The following ITPRID2 variants were observed in gnomAD, a reference collection of about 807,000 sequenced individuals.
ITPRID2 encodes ITPR interacting domain containing 2.
In ITPRID2, 60 loss-of-function variants were observed where a neutral mutation model predicts 124.3. That is an observed-to-expected ratio of 0.48 (90% CI 0.39 to 0.60). ITPRID2 has a LOEUF of 0.60. ITPRID2 is among the 20% of genes least tolerant of loss of function. The probability of loss-of-function intolerance (pLI) is 0.00; values close to 1 mark genes in which losing one functional copy is unlikely to be tolerated. For missense variants in ITPRID2, 1,553 were observed against 1,512.2 expected (o/e 1.03, Z -0.45); for synonymous variants, 521 against 542.9 (o/e 0.96, Z 0.56).
chr2:181,915,604 C>T lies in ITPRID2; in HGVS notation c.1964C>T (p.Thr655Ile), dbSNP rs1693967902. 23 of 1,614,088 alleles carry T rather than the reference C, an allele frequency of 1.4e-5. No individual in the cohort carries two copies. The highest frequency in any genetic ancestry group is 1.9e-5 in the Non-Finnish European group (22 of 1,180,038). ...GGTAAAAGCAGTGAAAGTGAATTTA[C>T]TCAGTATACCACACACCATATTCTG... The part of the protein sequence containing the change: ...DVGKSSESEF[T>I]QYTTHHILKS... The change falls in exon 11 of 18, where the codon ACT (threonine) becomes ATT (isoleucine). Residue 655 changes from threonine (T) to isoleucine (I), a missense_variant. By Grantham distance (89) the Thr-to-Ile change is moderately conservative. Transcript: ENST00000431877.
At chr2:181,928,416 T>C (rs1481661173) in intron 17 of ITPRID2, 138 bp downstream of exon 17, 2 of 508,592 alleles carry the variant, frequency 3.9e-6, no homozygotes, top group Non-Finnish European at 6.9e-6. Flanking sequence ...TATTTTACAA[T>C]GTGAAAATTT....
chr2:181,908,059 A>C (rs1693292515), intron 8 of ITPRID2, among the ~76,000 whole-genome samples: 2 of 152,214 alleles, frequency 1.3e-5, no homozygotes, highest in Admixed American at 6.5e-5. Context: ...GAAATAGAAT[A>C]TGTGATAATT....
At position 181,922,350 on chromosome 2, in the gene ITPRID2, C is replaced by G. The variant is rs1021851027; in HGVS notation, c.3613C>G (p.Pro1205Ala). Residue 1205 changes from proline to alanine, a missense_variant, in exon 16 of 18, where the codon CCA (proline) becomes GCA (alanine). Coordinates refer to ENST00000431877, the MANE Select transcript of ITPRID2 (RefSeq NM_001130445.3). ...AGGGCATGGAAAACTCCCATCAATG[C>G]CAGCTGCTGAGGAAATGCATAAAAA... ...EEGHGKLPSMPAAEEMHKNVE... is the reference protein window; with the variant it reads ...EEGHGKLPSMAAAEEMHKNVE... 6.2e-6 allele frequency: 10 copies of G among 1,613,946 alleles called. No individual in the cohort carries two copies. The highest frequency in any genetic ancestry group is 1.7e-5 in the Admixed American group (1 of 59,990).
chr2:181,918,945 A>T, intron 13 of ITPRID2, 63 bp downstream of exon 13: 1 of 1,578,610 alleles, frequency 6.3e-7, no homozygotes, highest in Non-Finnish European at 8.6e-7. Context: ...TTCTCAACTT[A>T]TATTTTTTAA....
intron 2 of ITPRID2, among the ~76,000 whole-genome samples, chr2:181,895,093 T>A (rs1197284295): frequency 6.6e-6 from 1 of 152,156 alleles, no homozygotes; most frequent in African/African-American, 2.4e-5. Flanking sequence ...CCATTGTTAG[T>A]ATACTTGTAG....
Position 181,921,827 on chromosome 2 carries a change from A to T in ITPRID2, c.3211-121A>T, listed in dbSNP as rs544238606. ...ATTGAGTAGTTATTAAATTAATGGA[A>T]TAGATTTATGTCTTTACAAATTACA... On this transcript the variant is annotated intron_variant, in intron 15 of 17. Transcript: ENST00000431877. The T allele has an allele frequency of 8.1e-6, 7 of 861,730 alleles. No individual in the cohort carries two copies. In the South Asian group the frequency reaches 1.3e-4, roughly 16 times the overall value. 53.4% of individuals were successfully genotyped at this position (861,730 alleles called of 1,614,324 possible).
In ITPRID2 at chr2:181,892,041, G is replaced by C; in HGVS notation, c.-26G>C. On this transcript the variant is annotated 5_prime_UTR_variant, in exon 1 of 18. Transcript: ENST00000431877. This position sits in a 1 kb window ranked among gnomAD's most constrained non-coding sequence, Gnocchi z 5.2. Reference sequence around the variant, plus strand: ...GCCTTGTCTCGCGCAGGGTCCGGCTGGGGTAGCGGAGCCCCCAGTGCGGCC... The same window carrying C: ...GCCTTGTCTCGCGCAGGGTCCGGCTCGGGTAGCGGAGCCCCCAGTGCGGCC... 1 of 1,546,256 alleles carries C rather than the reference G, an allele frequency of 6.5e-7. No individual in the cohort carries two copies. Among genetic ancestry groups the C allele is most frequent in the Non-Finnish European group, 8.7e-7 (1 of 1,145,624 alleles).
In ITPRID2 at chr2:181,919,698, C is replaced by T. The variant is rs1382163790; in HGVS notation, c.3144+252C>T. On this transcript the variant is annotated intron_variant, in intron 14 of 17. Coordinates refer to ENST00000431877, the MANE Select transcript of ITPRID2 (RefSeq NM_001130445.3). The surrounding 1 kb of genome is among the most constrained non-coding windows in gnomAD (Gnocchi z 4.2). ...TAACAGGAAAGAATAAGGGCTTATA[C>T]GAAAGTTGAGGGTTTTTAAAGGAAA... 3.9e-5 allele frequency among the ~76,000 whole-genome samples: 6 copies of T among 151,944 alleles called. No individual in the cohort carries two copies. Among genetic ancestry groups the T allele is most frequent in the East Asian group, 1.9e-4 (1 of 5,180 alleles).
chr2:181,919,337 G>T lies in ITPRID2; in HGVS notation c.3035G>T (p.Arg1012Leu), dbSNP rs750965139. Residue 1012 changes from arginine to leucine, a missense_variant, in exon 14 of 18, where the codon CGA (arginine) becomes CTA (leucine). Arg to Leu is a moderately radical substitution (Grantham distance 102, BLOSUM62 -2). Coordinates refer to ENST00000431877, the MANE Select transcript of ITPRID2 (RefSeq NM_001130445.3). The surrounding 1 kb of genome is among the most constrained non-coding windows in gnomAD (Gnocchi z 4.2). ...CTCCAGGGTTTGAGAAATTCAGTCC[G>T]AATGGAACTTCAGGACCTGGAACTG... ...DQLQGLRNSV[R>L]MELQDLELQL... 1.2e-6 allele frequency: 2 copies of T among 1,614,098 alleles called. No individual in the cohort carries two copies. The highest frequency in any genetic ancestry group is 1.7e-6 in the Non-Finnish European group (2 of 1,180,014).
At chr2:181,913,732 A>T in intron 9 of ITPRID2, 113 bp from the exon 10 acceptor site, 1 of 671,086 alleles carries the variant, frequency 1.5e-6, no homozygotes, top group Non-Finnish European at 2.4e-6. Flanking sequence ...TGTGTATCTT[A>T]TATCTGCTGG....
Position 181,892,151 on chromosome 2 carries a change from A to T in ITPRID2, c.85A>T (p.Lys29Ter). The T allele has an allele frequency of 6.4e-7, 1 of 1,557,414 alleles. No homozygotes were observed. Among genetic ancestry groups the T allele is most frequent in the Non-Finnish European group, 8.7e-7 (1 of 1,150,866 alleles). ...GAGTCGCAGGAGGAAGGCCTGGGCC[A>T]AGTGCCGCAGCTCCTGGCAAGCGTC... ...VASRRRKAWA[K>*]CRSSWQASET... The change falls in exon 1 of 18, where the codon AAG becomes TAG. Residue 29 changes from lysine to a stop codon, truncating the protein, a stop_gained. Coordinates refer to ENST00000431877, the MANE Select transcript of ITPRID2 (RefSeq NM_001130445.3). LOFTEE classifies it high-confidence loss of function. This position sits in a 1 kb window ranked among gnomAD's most constrained non-coding sequence, Gnocchi z 5.2.
In ITPRID2 at chr2:181,892,512, T is replaced by G. The variant is rs1021697109; in HGVS notation, c.212-103T>G. 4.2e-6 allele frequency: 6 copies of G among 1,432,056 alleles called. No individual in the cohort carries two copies. In the African/African-American group the frequency reaches 8.4e-5, roughly 20 times the overall value. The allele number at this position is 1,432,056 out of a possible 1,614,324, so 88.7% of individuals were successfully genotyped here. A position where few individuals can be genotyped will look rare whatever the true frequency, so the allele number is the denominator to read the frequency against. On this transcript the variant is annotated intron_variant, in intron 1 of 17. Transcript: ENST00000431877. The surrounding 1 kb of genome is among the most constrained non-coding windows in gnomAD (Gnocchi z 5.2). ...GGACACTGAGACGTGTCGCTTAGGC[T>G]GCATTTGCCGTGGTAGATTTTCCTA...
rs1201299680 is a variant in ITPRID2 at position 181,910,219 on chromosome 2, A to T, written c.1486+248A>T. Among the ~76,000 whole-genome samples the T allele has an allele frequency of 6.6e-6, 1 of 152,166 alleles. No homozygotes were observed. Among genetic ancestry groups the T allele is most frequent in the Non-Finnish European group, 1.5e-5 (1 of 68,012 alleles). On this transcript the variant is annotated intron_variant, in intron 9 of 17. Coordinates refer to ENST00000431877, the MANE Select transcript of ITPRID2 (RefSeq NM_001130445.3). The surrounding 1 kb of genome is among the most constrained non-coding windows in gnomAD (Gnocchi z 4.1). Reference sequence around the variant, plus strand: ...CTCATTACACAATTGTGTGTGCTCTAAGTATTTTACACTATTGCATAAGAG... The same window carrying T: ...CTCATTACACAATTGTGTGTGCTCTTAGTATTTTACACTATTGCATAAGAG...
chr2:181,910,718 G>C lies in ITPRID2; in HGVS notation c.1486+747G>C. The stretch of plus-strand genomic sequence containing the variant: ...GATTCGTATGTATGTTCCTAGAATA[G>C]GAAATTACATGTTTGTTGTCTCCTG... On this transcript the variant is annotated intron_variant, in intron 9 of 17. Coordinates refer to ENST00000431877, the MANE Select transcript of ITPRID2 (RefSeq NM_001130445.3). The surrounding 1 kb of genome is among the most constrained non-coding windows in gnomAD (Gnocchi z 4.1). The C allele has an allele frequency of 1.6e-6, 1 of 606,892 alleles. No individual in the cohort carries two copies. The highest frequency in any genetic ancestry group is 2.1e-5 in the South Asian group (1 of 48,038). 37.6% of individuals were successfully genotyped at this position (606,892 alleles called of 1,614,324 possible).
In ITPRID2 at chr2:181,910,046, T is replaced by G. The variant is rs1279254580; in HGVS notation, c.1486+75T>G. 3 of 1,140,192 alleles carry G rather than the reference T, an allele frequency of 2.6e-6. No individual in the cohort carries two copies. The African/African-American group carries it at 4.6e-5, about 17-fold the overall frequency. The allele number at this position is 1,140,192 out of a possible 1,614,324, so 70.6% of individuals were successfully genotyped here. On this transcript the variant is annotated intron_variant, in intron 9 of 17. Coordinates refer to ENST00000431877, the MANE Select transcript of ITPRID2 (RefSeq NM_001130445.3). The surrounding 1 kb of genome is among the most constrained non-coding windows in gnomAD (Gnocchi z 4.1). Reference sequence around the variant, plus strand: ...TGATTTGGAAAAGGGGTTTTATGTATCAGTATTTGTAGTATTTATGAGTGT... The same window carrying G: ...TGATTTGGAAAAGGGGTTTTATGTAGCAGTATTTGTAGTATTTATGAGTGT...
intron 9 of ITPRID2, among the ~76,000 whole-genome samples, chr2:181,912,541 G>A (rs570085083): frequency 6.6e-6 from 1 of 152,132 alleles, no homozygotes; most frequent in Non-Finnish European, 1.5e-5. Flanking sequence ...GTCTATAGTG[G>A]GGTATTTTTC....
At position 181,896,620 on chromosome 2, in the gene ITPRID2, C is replaced by T. The variant is rs1241712709; in HGVS notation, c.308-288C>T. 6.6e-6 allele frequency among the ~76,000 whole-genome samples: 1 copy of T among 151,922 alleles called. No individual in the cohort carries two copies. The highest frequency in any genetic ancestry group is 1.5e-5 in the Non-Finnish European group (1 of 67,852). Reference sequence around the variant, plus strand: ...CCAGGATCTGGTTTTCCATGAAACTCTTGGTATGTAGTCTGATTGAACATC... The same window carrying T: ...CCAGGATCTGGTTTTCCATGAAACTTTTGGTATGTAGTCTGATTGAACATC... On this transcript the variant is annotated intron_variant, in intron 3 of 17. Coordinates refer to ENST00000431877, the MANE Select transcript of ITPRID2 (RefSeq NM_001130445.3). This position sits in a 1 kb window ranked among gnomAD's most constrained non-coding sequence, Gnocchi z 4.3.
In ITPRID2 at chr2:181,919,007, G is replaced by C; in HGVS notation, c.2993+125G>C. 1 of 1,287,578 alleles carries C rather than the reference G, an allele frequency of 7.8e-7. No homozygotes were observed. Among genetic ancestry groups the C allele is most frequent in the South Asian group, 1.5e-5 (1 of 66,380 alleles). The allele number at this position is 1,287,578 out of a possible 1,614,324, so 79.8% of individuals were successfully genotyped here. On this transcript the variant is annotated intron_variant, in intron 13 of 17. Coordinates refer to ENST00000431877, the MANE Select transcript of ITPRID2 (RefSeq NM_001130445.3). The surrounding 1 kb of genome is among the most constrained non-coding windows in gnomAD (Gnocchi z 4.2). Reference sequence around the variant, plus strand: ...TACCTTGTATCTGTTTTGTGAACCAGTGTAGATAAGATTAGTCATAGATAG... The same window carrying C: ...TACCTTGTATCTGTTTTGTGAACCACTGTAGATAAGATTAGTCATAGATAG...
chr2:181,893,897 A>T (rs147809644), intron 2 of ITPRID2: 1 of 152,338 alleles, frequency 6.6e-6, no homozygotes, highest in East Asian at 1.9e-4. Context: ...TTTTGAATGT[A>T]CATGTTCAAG....
Sources: allele counts gnomAD v4.1 joint callset (sites outside exome capture counted in the v4.1 genomes callset), GRCh38; gene constraint gnomAD v4.1.1; non-coding constraint Gnocchi (gnomAD v3.1); transcripts MANE v1.5; gene names NCBI Gene and HGNC (gene_info 2026-07-23, HGNC 2026-07-21).